Variants in AFDN observed in about 807,000 individuals in gnomAD.
AFDN encodes afadin.
AFDN carries 68 observed loss-of-function variants against 216.6 expected under a neutral mutation model. The ratio of observed to expected loss-of-function variants is 0.31; its 90% CI spans 0.26 to 0.38. The LOEUF is 0.38. AFDN is among the 10% of genes least tolerant of loss of function. The pLI is 1.00. For synonymous variants in AFDN, 868 were observed against 853.7 expected (o/e 1.02, Z -0.29); for missense variants, 2,136 against 2,342.0 (o/e 0.91, Z 1.82).
chr6:167,907,298 C>A lies in AFDN; in HGVS notation c.1769+9C>A, dbSNP rs767664642. The A allele has an allele frequency of 2.5e-6, 4 of 1,601,486 alleles. No individual in the cohort carries two copies. The Admixed American group carries it at 5.0e-5, about 20-fold the overall frequency. ...CGCAGGCAAGAAAGCAGGTAGGAAACACATCATTTTTCAATGGTGAAAGTA... is the reference window on the plus strand; with the variant it reads ...CGCAGGCAAGAAAGCAGGTAGGAAAAACATCATTTTTCAATGGTGAAAGTA... On this transcript the variant is annotated intron_variant, in intron 13 of 33. Transcript: ENST00000683244.
intron 10 of AFDN, among the ~76,000 whole-genome samples, chr6:167,897,548 C>T (rs950053307): frequency 6.6e-6 from 1 of 150,654 alleles, no homozygotes; most frequent in Non-Finnish European, 1.5e-5. Flanking sequence ...CTTAGCACAA[C>T]ACTAAAAATA....
chr6:167,956,851 G>A (rs533488363), intron 30 of AFDN, among the ~76,000 whole-genome samples: 2 of 152,058 alleles, frequency 1.3e-5, no homozygotes, highest in Admixed American at 6.6e-5. Context: ...TTTTCCTGCC[G>A]GGGTCACTGC....
In AFDN at chr6:167,951,867, A is replaced by C. The variant is rs1238929313; in HGVS notation, c.4513A>C (p.Ile1505Leu). The C allele has an allele frequency of 6.2e-7, 1 of 1,613,906 alleles. No homozygotes were observed. Among genetic ancestry groups the C allele is most frequent in the African/African-American group, 1.3e-5 (1 of 74,890 alleles). The change falls in exon 30 of 34, where the codon ATT becomes CTT. Residue 1505 changes from isoleucine (I) to leucine (L), a missense_variant. By Grantham distance (5) the Ile-to-Leu change is conservative (BLOSUM62 2). Around this residue, in one of 8 missense-constraint regions of AFDN, gnomAD observed 981 missense variants for 966.0 expected, o/e 1.02. Transcript: ENST00000683244. This position sits in a 1 kb window ranked among gnomAD's most constrained non-coding sequence, Gnocchi z 7.1. ...GATCGAGCGCAGAGACTTGCAGTAC[A>C]TTACAGTCAGCAAAGAGGAGCTTTC... is the stretch of plus-strand genomic sequence containing the variant. ...RTIERRDLQYITVSKEELSSG... is the reference protein window; with the variant it reads ...RTIERRDLQYLTVSKEELSSG...
intron 1 of AFDN, among the ~76,000 whole-genome samples, chr6:167,849,010 A>G (rs548217143): frequency 2.2e-4 from 33 of 152,278 alleles, no homozygotes; most frequent in African/African-American, 7.5e-4. Flanking sequence ...ACTTGTTTCA[A>G]AATTGCCAGA....
chr6:167,913,477 A>T, intron 16 of AFDN, 54 bp downstream of exon 16: 2 of 1,493,306 alleles, frequency 1.3e-6, no homozygotes, highest in Non-Finnish European at 1.8e-6. Flanking sequence ...CAAGTTTCTC[A>T]TGCTGCTCCC....
At chr6:167,967,879 C>T (rs1037914034) in intron 32 of AFDN, among the ~76,000 whole-genome samples, 14 of 152,182 alleles carry the variant, frequency 9.2e-5, no homozygotes, top group Non-Finnish European at 1.9e-4. Flanking sequence ...GTAAAGCATG[C>T]TTCTGCAGAT....
intron 8 of AFDN, 25 bp from the exon 9 acceptor site, chr6:167,893,837 G>A: frequency 6.4e-7 from 1 of 1,567,422 alleles, no homozygotes; most frequent in East Asian, 2.3e-5. Context: ...CTTCACCTGG[G>A]TCCTGGCATG....
intron 2 of AFDN, among the ~76,000 whole-genome samples, chr6:167,868,987 G>A (rs989362097): frequency 1.3e-5 from 2 of 151,538 alleles, no homozygotes; most frequent in Non-Finnish European, 2.9e-5. Context: ...TGTTGCCCAG[G>A]CTGGTCTCAA....
rs2128762783 is a variant in AFDN, at chr6:167,965,956, A to G, written c.5168A>G (p.Lys1723Arg). The change falls in exon 32 of 34, where the codon AAA becomes AGA. Residue 1723 changes from lysine to arginine, a missense_variant. Transcript: ENST00000683244. The part of the protein sequence containing the change: ...PPPQRNASYL[K>R]TQVLSPDSLF... ...CCTCAGCGAAACGCCTCCTACCTCA[A>G]AACACAGGTCCTCTCCCCCGACTCG... The G allele has an allele frequency of 1.9e-6, 3 of 1,551,042 alleles. No individual in the cohort carries two copies. The highest frequency in any genetic ancestry group is 2.6e-6 in the Non-Finnish European group (3 of 1,146,880).
intron 33 of AFDN, 96 bp from the exon 34 acceptor site, chr6:167,969,686 G>A: frequency 8.5e-7 from 1 of 1,174,872 alleles, no homozygotes; most frequent in South Asian, 1.6e-5. Flanking sequence ...CAAAGAATGA[G>A]TGAAAATTTT....
chr6:167,885,413 C>T (rs563934990), intron 6 of AFDN, among the ~76,000 whole-genome samples: 6 of 152,268 alleles, frequency 3.9e-5, no homozygotes, highest in Admixed American at 6.5e-5. Flanking sequence ...GAGTGATGTG[C>T]AGCTCTTCCT....
At chr6:167,861,425 G>T (rs1180449083) in intron 1 of AFDN, among the ~76,000 whole-genome samples, 1 of 152,166 alleles carries the variant, frequency 6.6e-6, no homozygotes, top group Non-Finnish European at 1.5e-5. Flanking sequence ...TCTATACACA[G>T]GAATGCTACT....
At chr6:167,913,830 A>G in intron 16 of AFDN, 1 of 414,736 alleles carries the variant, frequency 2.4e-6, no homozygotes, top group Middle Eastern at 6.6e-4. Context: ...GGATACATGT[A>G]TGTATACTGC....
At chr6:167,926,972 C>T (rs1792626702) in intron 23 of AFDN, among the ~76,000 whole-genome samples, 1 of 152,128 alleles carries the variant, frequency 6.6e-6, no homozygotes, top group Admixed American at 6.5e-5. Context: ...TTTGCTGTTA[C>T]ACAGGTTTAA....
chr6:167,831,142 A>G (rs955049599), intron 1 of AFDN, among the ~76,000 whole-genome samples: 17 of 151,886 alleles, frequency 1.1e-4, no homozygotes, highest in African/African-American at 4.1e-4. Flanking sequence ...GGGTTTTGCC[A>G]TGTTGGCCAG....
At chr6:167,914,848 C>T (rs942602956) in intron 18 of AFDN, 110 bp downstream of exon 18, 35 of 752,270 alleles carry the variant, frequency 4.7e-5, no homozygotes, top group Non-Finnish European at 5.4e-5. Context: ...ATGGGATGTC[C>T]TTTTGGGTTT....
At chr6:167,945,468 T>C (rs527468608) in intron 26 of AFDN, among the ~76,000 whole-genome samples, 1 of 152,208 alleles carries the variant, frequency 6.6e-6, no homozygotes, top group Non-Finnish European at 1.5e-5. Context: ...TAGTAAAATA[T>C]ATAAACAAGC....
intron 1 of AFDN, among the ~76,000 whole-genome samples, chr6:167,838,833 A>T (rs1218396573): frequency 6.6e-6 from 1 of 152,198 alleles, no homozygotes. Context: ...GGGTGCTCTG[A>T]ATATTTGATT....
chr6:167,826,589 ACACAGCACCACCCATCGGACCCAG>A (rs1779071849), upstream of AFDN: 1 of 525,168 alleles, frequency 1.9e-6, no homozygotes, highest in African/African-American at 1.9e-5. Context: ...TCCGGACCCA[ACACAGCACCACCCATCGGACCCAG>A]CACTGCCCAT....
Sources: gnomAD v4.1 joint callset for allele counts (sites outside exome capture counted in the v4.1 genomes callset) on GRCh38, gnomAD v4.1.1 for gene constraint, gnomAD v4.1.1 regional missense constraint, Gnocchi (gnomAD v3.1) non-coding constraint, MANE v1.5 for transcripts, NCBI Gene and HGNC (gene_info 2026-07-23, HGNC 2026-07-21) for gene names.